Variants in BIRC6 observed in about 807,000 individuals in gnomAD.
BIRC6 encodes dual E2 ubiquitin-conjugating enzyme/E3 ubiquitin-protein ligase BIRC6.
A neutral mutation model predicts 503.3 loss-of-function variants in BIRC6; 98 were observed. The ratio of observed to expected loss-of-function variants is 0.19; its 90% confidence interval spans 0.17 to 0.23. The LOEUF (loss-of-function observed/expected upper bound fraction) is 0.23, where lower values mean the gene tolerates loss of function less well. BIRC6 is among the 10% of genes least tolerant of loss of function. BIRC6 has a pLI of 1.00. For missense variants in BIRC6, 5,360 were observed against 5,806.0 expected, an observed-to-expected ratio of 0.92 and a Z score of 2.50; for synonymous variants, 2,240 against 2,078.7, an observed-to-expected ratio of 1.08 and a Z score of -2.11.
intron 55 of BIRC6, among the ~76,000 whole-genome samples, chr2:32,516,894 G>C (rs982971014): frequency 6.6e-6 from 1 of 152,068 alleles, no homozygotes; most frequent in Non-Finnish European, 1.5e-5. Context: ...ACCTAGCATA[G>C]AGCCTATATG....
At chr2:32,594,427 C>G (rs576899696) in intron 67 of BIRC6, 8 of 170,644 alleles carry the variant, frequency 4.7e-5, no homozygotes, top group Non-Finnish European at 8.7e-5. Flanking sequence ...CGCAGTGACT[C>G]ACGCCTTTAA....
chr2:32,515,011 G>A lies in BIRC6; in HGVS notation c.10590G>A (p.Met3530Ile). The stretch of plus-strand genomic sequence containing the variant: ...TTAGGTTACTTTTTAATTGGTCCAT[G>A]TCTCTTCCCTGCAATATGGTTTTGA... ...ELFELLFNWSMSLPCNMVLKK... is the reference protein window; with the variant it reads ...ELFELLFNWSISLPCNMVLKK... Residue 3530 changes from methionine to isoleucine, a missense_variant, in exon 55 of 74, where the codon ATG becomes ATA. Coordinates refer to ENST00000421745, the MANE Select transcript of BIRC6 (RefSeq NM_016252.4). 6.2e-7 allele frequency: 1 copy of A among 1,613,534 alleles called. No individual in the cohort carries two copies. Among genetic ancestry groups the A allele is most frequent in the Non-Finnish European group, 8.5e-7 (1 of 1,179,572 alleles).
At position 32,543,263 on chromosome 2, in the gene BIRC6, C is replaced by T; in HGVS notation, c.12314C>T (p.Ser4105Phe). The change falls in exon 62 of 74, where the codon TCT (serine) becomes TTT (phenylalanine). Residue 4105 changes from serine (S) to phenylalanine (F), a missense_variant. This residue lies in a region of BIRC6 where 878 missense variants were observed against 928.9 expected (regional missense o/e 0.95). Transcript: ENST00000421745. ...IQQVSAPVVT[S>F]TTQEKPKDSD... ...TAGGTGAGTGCTCCAGTTGTAACAT[C>T]TACCACTCAGGAAAAGCCGAAGGAT... The T allele has an allele frequency of 1.2e-6, 2 of 1,613,970 alleles. No individual in the cohort carries two copies. The highest frequency in any genetic ancestry group is 1.1e-5 in the South Asian group (1 of 91,086).
rs763148020 is a variant in BIRC6, at chr2:32,401,221, A to G, written c.1093A>G (p.Asn365Asp). Reference sequence around the variant, plus strand: ...ATTTGTGAAAGGTGAGCACACACAGAATGTGCCATTGTCAGTCACTCTTGC... The same window carrying G: ...ATTTGTGAAAGGTGAGCACACACAGGATGTGCCATTGTCAGTCACTCTTGC... Reference protein sequence around the residue: ...CPFVKGEHTQNVPLSVTLATS... With the variant: ...CPFVKGEHTQDVPLSVTLATS... The change falls in exon 7 of 74, where the codon AAT becomes GAT. Residue 365 changes from asparagine (N) to aspartate (D), a missense_variant. By Grantham distance (23) the Asn-to-Asp change is conservative. This residue lies in a region of BIRC6 where 92 missense variants were observed against 176.7 expected (regional missense o/e 0.52). Transcript: ENST00000421745. The G allele has an allele frequency of 6.2e-7, 1 of 1,614,044 alleles. No individual in the cohort carries two copies.
chr2:32,371,598 C>G (rs2035962917), intron 1 of BIRC6, among the ~76,000 whole-genome samples: 1 of 151,996 alleles, frequency 6.6e-6, no homozygotes, highest in African/African-American at 2.4e-5. Context: ...ACCCAGGCTG[C>G]TCTCAAACTC....
intron 55 of BIRC6, among the ~76,000 whole-genome samples, chr2:32,516,965 T>A (rs1392296827): frequency 6.6e-6 from 1 of 152,126 alleles, no homozygotes; most frequent in Non-Finnish European, 1.5e-5. Flanking sequence ...CTCATTCAAG[T>A]CAAACTTTAG....
intron 50 of BIRC6, among the ~76,000 whole-genome samples, chr2:32,505,994 G>A (rs2053757397): frequency 1.3e-5 from 2 of 151,922 alleles, no homozygotes; most frequent in African/African-American, 4.8e-5. Context: ...CCACAGGCAT[G>A]TACCACCATG....
At chr2:32,368,382 T>C (rs1466897121) in intron 1 of BIRC6, among the ~76,000 whole-genome samples, 2 of 151,632 alleles carry the variant, frequency 1.3e-5, no homozygotes, top group African/African-American at 4.8e-5. Flanking sequence ...CTACTAAACG[T>C]AGAAAAAATT....
At chr2:32,516,820 G>A (rs549022848) in intron 55 of BIRC6, among the ~76,000 whole-genome samples, 2 of 152,070 alleles carry the variant, frequency 1.3e-5, no homozygotes, top group South Asian at 4.1e-4. Context: ...CTTATAACAT[G>A]GGGCTAGCAA....
intron 61 of BIRC6, among the ~76,000 whole-genome samples, chr2:32,532,906 A>T (rs948014165): frequency 7.2e-5 from 11 of 152,186 alleles, no homozygotes; most frequent in African/African-American, 2.7e-4. Context: ...CTGGTAATAC[A>T]TACCTAAGAA....
At chr2:32,586,579 C>T (rs879870147) in intron 66 of BIRC6, among the ~76,000 whole-genome samples, 20 of 151,558 alleles carry the variant, frequency 1.3e-4, no homozygotes, top group Admixed American at 8.5e-4. Flanking sequence ...CCACCACTCC[C>T]GGCGAATTTT....
intron 12 of BIRC6, among the ~76,000 whole-genome samples, chr2:32,431,456 G>A (rs1345252490): frequency 3.9e-5 from 6 of 151,966 alleles, no homozygotes; most frequent in African/African-American, 9.7e-5. Context: ...TCGGCCTCCC[G>A]AAGTGCTGGG....
intron 3 of BIRC6, among the ~76,000 whole-genome samples, chr2:32,383,373 G>A (rs1325715170): frequency 2.6e-5 from 4 of 152,152 alleles, no homozygotes; most frequent in Non-Finnish European, 5.9e-5. Context: ...TTGGTCAAGA[G>A]GATGTATAAT....
At chr2:32,366,586 A>G (rs1372371673) in intron 1 of BIRC6, among the ~76,000 whole-genome samples, 1 of 152,196 alleles carries the variant, frequency 6.6e-6, no homozygotes, top group Non-Finnish European at 1.5e-5. Flanking sequence ...TTTCTGTAAT[A>G]TAGTATGTAA....
chr2:32,489,947 A>C, intron 42 of BIRC6, 94 bp from the exon 43 acceptor site: 2 of 856,122 alleles, frequency 2.3e-6, no homozygotes, highest in Non-Finnish European at 3.8e-6. Flanking sequence ...GATTTAAAGA[A>C]ATAGTGTCTT....
chr2:32,466,369 T>G (rs1403771327), intron 26 of BIRC6, among the ~76,000 whole-genome samples: 1 of 152,222 alleles, frequency 6.6e-6, no homozygotes, highest in Non-Finnish European at 1.5e-5. Context: ...TCTTTACCTA[T>G]CTCATCTGGC....
intron 65 of BIRC6, among the ~76,000 whole-genome samples, 161 bp downstream of exon 65, chr2:32,549,642 T>C (rs1291026398): frequency 6.6e-6 from 1 of 152,248 alleles, no homozygotes; most frequent in Non-Finnish European, 1.5e-5. Context: ...TTTGATACTT[T>C]GTCATCACTT....
At chr2:32,577,986 G>C (rs1464879783) in intron 66 of BIRC6, among the ~76,000 whole-genome samples, 1 of 152,120 alleles carries the variant, frequency 6.6e-6, no homozygotes, top group African/African-American at 2.4e-5. Flanking sequence ...TACAGTGACC[G>C]TGTGCAGTAC....
chr2:32,366,848 G>T (rs987857600), intron 1 of BIRC6, among the ~76,000 whole-genome samples: 2 of 152,026 alleles, frequency 1.3e-5, no homozygotes, highest in African/African-American at 2.4e-5. Flanking sequence ...TGGGTGTGGT[G>T]GTGCATGCCT....
Sources: allele counts gnomAD v4.1 joint callset (sites outside exome capture counted in the v4.1 genomes callset), GRCh38; gene constraint gnomAD v4.1.1; regional missense constraint gnomAD v4.1.1; transcripts MANE v1.5; gene names NCBI Gene and HGNC (gene_info 2026-07-23, HGNC 2026-07-21).